The following SLC24A2 variants were observed in gnomAD, a reference collection of about 807,000 sequenced individuals.
SLC24A2 encodes the protein sodium/potassium/calcium exchanger 2.
A neutral mutation model predicts 62.0 loss-of-function variants in SLC24A2; 36 were observed. The observed-to-expected ratio is 0.58, with a 90% CI of 0.44 to 0.77. The LOEUF (loss-of-function observed/expected upper bound fraction) is 0.77, where lower values mean the gene tolerates loss of function less well. Ranked by LOEUF, SLC24A2 falls within the 30% of genes least tolerant of loss-of-function variation. SLC24A2 has a pLI of 0.00. For missense variants in SLC24A2, 846 were observed against 817.9 expected, an observed-to-expected ratio of 1.03 and a Z score of -0.42; for synonymous variants, 358 against 294.0, an observed-to-expected ratio of 1.22 and a Z score of -2.23.
intron 4 of SLC24A2, among the ~76,000 whole-genome samples, chr9:19,598,620 AT>A (rs1227725376): frequency 2.6e-5 from 4 of 151,938 alleles, no homozygotes; most frequent in South Asian, 2.1e-4. Flanking sequence ...TAGAAAGAAA[AT>A]TTTTTTCATG....
At position 19,573,529 on chromosome 9, in the gene SLC24A2, C is replaced by CACACAGAGAGAG. The variant is rs1390433234; in HGVS notation, c.1229-61_1229-60insCTCTCTCTGTGT. The CACACAGAGAGAG allele has an allele frequency of 9.4e-4, 406 of 431,880 alleles. 1 individual carries two copies. The highest frequency in any genetic ancestry group is 1.7e-3 in the East Asian group (26 of 15,376). The allele number at this position is 431,880 out of a possible 1,614,324, so 26.8% of individuals were successfully genotyped here. A position where few individuals can be genotyped will look rare whatever the true frequency, so the allele number is the denominator to read the frequency against. On this transcript the variant is annotated intron_variant, in intron 6 of 10. Coordinates refer to ENST00000341998, the MANE Select transcript of SLC24A2 (RefSeq NM_020344.4). ...ACACACACACACACACACACACACA[C>CACACAGAGAGAG]AGAGAGAGAGAGAGAGAGAGAGAGA...
chr9:19,926,239 C>A, the SLC24A2 span: 1 of 152,240 alleles, frequency 6.6e-6, no homozygotes, highest in African/African-American at 2.4e-5. Context: ...GTGGGAGGAA[C>A]GCTGTTGTCT....
chr9:20,254,482 G>A, the SLC24A2 span, among the ~76,000 whole-genome samples: 1 of 152,220 alleles, frequency 6.6e-6, no homozygotes, highest in African/African-American at 2.4e-5. Flanking sequence ...TGATGCAGGG[G>A]CAGGATATCC....
At chr9:20,272,770 C>A in the SLC24A2 span, among the ~76,000 whole-genome samples, 1,198 of 152,290 alleles carry the variant, frequency 7.9e-3, 12 homozygotes, top group African/African-American at 0.027. Flanking sequence ...TACAAATCTA[C>A]TCTGGCTCCC....
At chr9:19,776,609 G>C (rs569132726) in intron 2 of SLC24A2, among the ~76,000 whole-genome samples, 2 of 152,130 alleles carry the variant, frequency 1.3e-5, no homozygotes, top group South Asian at 4.1e-4. Context: ...TCCCATGCAC[G>C]TTGTTCTTCC....
chr9:19,852,391 G>C, the SLC24A2 span, among the ~76,000 whole-genome samples: 1 of 152,070 alleles, frequency 6.6e-6, no homozygotes, highest in Non-Finnish European at 1.5e-5. Flanking sequence ...TGAAATCTTT[G>C]CCCATGCCTA....
At chr9:19,564,943 A>ATG (rs1195990855) in intron 7 of SLC24A2, among the ~76,000 whole-genome samples, 5 of 152,208 alleles carry the variant, frequency 3.3e-5, no homozygotes, top group Non-Finnish European at 7.4e-5. Context: ...CAAAATTGAA[A>ATG]TGTAAGAAAA....
chr9:19,913,570 A>G, the SLC24A2 span, among the ~76,000 whole-genome samples: 1 of 152,162 alleles, frequency 6.6e-6, no homozygotes, highest in African/African-American at 2.4e-5. Context: ...AGCAAAGGAC[A>G]TCGTGATTTC....
At chr9:20,181,918 T>G in the SLC24A2 span, among the ~76,000 whole-genome samples, 1 of 152,038 alleles carries the variant, frequency 6.6e-6, no homozygotes, top group Non-Finnish European at 1.5e-5. Context: ...GAATCTACAA[T>G]GAACTCAAAC....
chr9:19,663,767 C>T (rs1819170675), intron 2 of SLC24A2, among the ~76,000 whole-genome samples: 1 of 152,324 alleles, frequency 6.6e-6, no homozygotes, highest in African/African-American at 2.4e-5. Flanking sequence ...ACTAAGCATG[C>T]ATATGCCTGG....
At chr9:19,993,100 G>T in the SLC24A2 span, among the ~76,000 whole-genome samples, 3 of 152,188 alleles carry the variant, frequency 2.0e-5, no homozygotes, top group Admixed American at 6.5e-5. Context: ...CATCATAATT[G>T]ACCCTATTTA....
the SLC24A2 span, among the ~76,000 whole-genome samples, chr9:20,165,074 T>C: frequency 0.13 from 18,925 of 151,046 alleles, 1,532 homozygotes; most frequent in Middle Eastern, 0.31. Flanking sequence ...GCATGGCACA[T>C]GTATACATAT....
At chr9:19,914,242 G>A in the SLC24A2 span, among the ~76,000 whole-genome samples, 86 of 152,098 alleles carry the variant, frequency 5.7e-4, 1 homozygote, top group East Asian at 0.011. Flanking sequence ...AGATCTACCT[G>A]TTGAATATCT....
chr9:20,078,314 C>A, the SLC24A2 span, among the ~76,000 whole-genome samples: 1 of 151,466 alleles, frequency 6.6e-6, no homozygotes, highest in African/African-American at 2.4e-5. Flanking sequence ...ACTTCCCCAC[C>A]CCCACTCCCC....
At chr9:20,073,669 C>G in the SLC24A2 span, among the ~76,000 whole-genome samples, 1 of 152,076 alleles carries the variant, frequency 6.6e-6, no homozygotes, top group Middle Eastern at 3.4e-3. Flanking sequence ...TTCCACAGGA[C>G]TCGTTAAAAC....
At chr9:19,865,726 A>T in the SLC24A2 span, among the ~76,000 whole-genome samples, 1 of 152,214 alleles carries the variant, frequency 6.6e-6, no homozygotes, top group Non-Finnish European at 1.5e-5. Context: ...TAAATCTAAG[A>T]CCACAAACTG....
chr9:19,774,687 T>C (rs541909709), intron 2 of SLC24A2, among the ~76,000 whole-genome samples: 1 of 152,234 alleles, frequency 6.6e-6, no homozygotes, highest in Non-Finnish European at 1.5e-5. Flanking sequence ...TCAGTGTCCA[T>C]CAAGCAGTAA....
chr9:19,928,057 G>T, the SLC24A2 span: 1 of 152,352 alleles, frequency 6.6e-6, no homozygotes, highest in Non-Finnish European at 1.5e-5. Flanking sequence ...CCACACCAGC[G>T]ACCTCAGAAA....
the SLC24A2 span, among the ~76,000 whole-genome samples, chr9:20,040,019 C>G: frequency 6.6e-6 from 1 of 152,146 alleles, no homozygotes; most frequent in African/African-American, 2.4e-5. Flanking sequence ...TAAACACTAA[C>G]TTTTGATTAT....
Sources: gnomAD v4.1 joint callset for allele counts (sites outside exome capture counted in the v4.1 genomes callset) on GRCh38, gnomAD v4.1.1 for gene constraint, MANE v1.5 for transcripts, NCBI Gene and HGNC (gene_info 2026-07-23, HGNC 2026-07-21) for gene names.